Variants in CENPE observed in about 807,000 individuals in gnomAD.
The protein encoded by CENPE is centromere protein E.
Under a neutral mutation model 336.1 loss-of-function variants are expected in CENPE, and 145 were observed. The ratio of observed to expected loss-of-function variants is 0.43; its 90% CI spans 0.38 to 0.50. The LOEUF is 0.50. Among genes scored for constraint, CENPE ranks in the 20% least tolerant of loss-of-function variants. CENPE has a pLI of 0.00. For synonymous variants in CENPE, 1,013 were observed against 984.8 expected, an observed-to-expected ratio of 1.03 and a Z score of -0.54; for missense variants, 2,719 against 3,023.3, an observed-to-expected ratio of 0.90 and a Z score of 2.36.
chr4:103,138,585 T>A (rs1254496484), intron 38 of CENPE, 136 bp from the exon 39 acceptor site: 1 of 645,870 alleles, frequency 1.5e-6, no homozygotes, highest in African/African-American at 1.8e-5. Flanking sequence ...AAAAGCAATG[T>A]TAAAATGATC....
intron 46 of CENPE, among the ~76,000 whole-genome samples, chr4:103,113,295 ACAG>A (rs1258069542): frequency 3.5e-5 from 5 of 142,322 alleles, no homozygotes; most frequent in Non-Finnish European, 6.1e-5. Context: ...AAAATCCTTC[ACAG>A]CAGTTCTGTT....
intron 20 of CENPE, 29 bp from the exon 21 acceptor site, chr4:103,160,808 A>T: frequency 6.5e-7 from 1 of 1,539,264 alleles, no homozygotes. Flanking sequence ...TTGTATAAAG[A>T]TCCAATGTTG....
In CENPE at chr4:103,198,314, C is replaced by A. The variant is rs1224220184; in HGVS notation, c.6G>T (p.Ala2=). Residue 2 remains alanine (A), a synonymous_variant, in exon 1 of 49, where the codon GCG becomes GCT. Coordinates refer to ENST00000265148, the MANE Select transcript of CENPE (RefSeq NM_001813.3). ...CGCAGACGGCCACGGCTCCTTCCTC[C>A]GCCATCCTATCAGGCTGAACTGGTC... The part of the protein sequence containing the change: M[A]EEGAVAVCVR... 5.8e-6 allele frequency: 9 copies of A among 1,551,202 alleles called. No individual in the cohort carries two copies. Among genetic ancestry groups the A allele is most frequent in the Non-Finnish European group, 7.8e-6 (9 of 1,146,906 alleles).
chr4:103,138,206 A>C (rs747956232), intron 39 of CENPE, 145 bp downstream of exon 39: 1 of 636,720 alleles, frequency 1.6e-6, no homozygotes, highest in Non-Finnish European at 2.8e-6. Flanking sequence ...CATTATACCC[A>C]CACACCTGTA....
At chr4:103,106,376 C>G in intron 48 of CENPE, 60 bp from the exon 49 acceptor site, 1 of 1,321,876 alleles carries the variant, frequency 7.6e-7, no homozygotes, top group Non-Finnish European at 1.1e-6. Flanking sequence ...AAACCAAGCA[C>G]AGCTGGAAGT....
chr4:103,165,825 GA>G (rs1578644421), intron 16 of CENPE, among the ~76,000 whole-genome samples: 4 of 147,092 alleles, frequency 2.7e-5, no homozygotes, highest in African/African-American at 1.0e-4. Flanking sequence ...TCTCTATAAA[GA>G]AAAAGTTTTT....
chr4:103,137,060 A>G (rs1752128027), intron 39 of CENPE, among the ~76,000 whole-genome samples: 1 of 152,146 alleles, frequency 6.6e-6, no homozygotes, highest in African/African-American at 2.4e-5. Flanking sequence ...AAGGAGACAA[A>G]ATTATGTTTA....
At position 103,163,056 on chromosome 4, in the gene CENPE, G is replaced by T. The variant is rs1369337519; in HGVS notation, c.1842+81C>A. On this transcript the variant is annotated intron_variant, in intron 18 of 48. Coordinates refer to ENST00000265148, the MANE Select transcript of CENPE (RefSeq NM_001813.3). ...TACAACAATACACAGCACAAAGTAG[G>T]TCCAGTATAAGCATTTGCTAAGATG... 5 of 1,143,900 alleles carry T rather than the reference G, an allele frequency of 4.4e-6. No homozygotes were observed. The African/African-American group carries it at 6.2e-5, about 14-fold the overall frequency. 70.9% of individuals were successfully genotyped at this position (1,143,900 alleles called of 1,614,324 possible). A position where few individuals can be genotyped will look rare whatever the true frequency, so the allele number is the denominator to read the frequency against.
chr4:103,174,401 T>G (rs1755678411), intron 16 of CENPE, among the ~76,000 whole-genome samples: 1 of 151,918 alleles, frequency 6.6e-6, no homozygotes, highest in South Asian at 2.1e-4. Flanking sequence ...GACAGTTAGA[T>G]AGCAGGAATA....
At chr4:103,156,777 A>G (rs1457678433) in intron 24 of CENPE, among the ~76,000 whole-genome samples, 3 of 152,276 alleles carry the variant, frequency 2.0e-5, no homozygotes, top group Middle Eastern at 3.4e-3. Flanking sequence ...GATACAATCA[A>G]CAGAGTAAAA....
intron 33 of CENPE, among the ~76,000 whole-genome samples, chr4:103,144,093 C>T (rs374779837): frequency 1.3e-5 from 2 of 152,172 alleles, no homozygotes; most frequent in East Asian, 1.9e-4. Flanking sequence ...CCCACCACCA[C>T]GCCTGCCTAA....
chr4:103,150,734 C>A lies in CENPE; in HGVS notation c.3396+485G>T, dbSNP rs1753473001. On this transcript the variant is annotated intron_variant, in intron 26 of 48. Coordinates refer to ENST00000265148, the MANE Select transcript of CENPE (RefSeq NM_001813.3). ...TTTTAGAATCTCTTGGGAACTACAG[C>A]TGTTACAGGGGTCTTAGCTCTTACA... Among the ~76,000 whole-genome samples, 5 of 152,200 alleles carry A rather than the reference C, an allele frequency of 3.3e-5. No individual in the cohort carries two copies. The South Asian group carries it at 1.0e-3, about 31-fold the overall frequency.
chr4:103,163,702 A>G (rs925064549), intron 16 of CENPE, 149 bp from the exon 17 acceptor site: 7 of 455,762 alleles, frequency 1.5e-5, no homozygotes, highest in Non-Finnish European at 2.8e-5. Context: ...TCAATTGTTC[A>G]AGCTATCGCA....
chr4:103,177,953 G>A (rs6813563), intron 13 of CENPE, among the ~76,000 whole-genome samples: 67,780 of 151,266 alleles, frequency 0.45, 15,986 homozygotes, highest in African/African-American at 0.61. Flanking sequence ...TGCCGTTGCT[G>A]TCCTTCCAAA....
chr4:103,145,721 A>C, intron 30 of CENPE, 40 bp from the exon 31 acceptor site: 1 of 1,525,620 alleles, frequency 6.6e-7, no homozygotes, highest in South Asian at 1.3e-5. Flanking sequence ...TTATAGAAAC[A>C]TTATAACTAT....
chr4:103,189,084 C>G (rs1444451587), intron 8 of CENPE, among the ~76,000 whole-genome samples: 2 of 152,146 alleles, frequency 1.3e-5, no homozygotes, highest in Non-Finnish European at 2.9e-5. Context: ...CCTCCCAAGA[C>G]TAAATCAGGA....
At chr4:103,148,736 C>G (rs1753278471) in intron 28 of CENPE, 108 bp downstream of exon 28, 1 of 992,298 alleles carries the variant, frequency 1.0e-6, no homozygotes, top group Non-Finnish European at 1.5e-6. Context: ...CAAATACTTA[C>G]CCAGTCAATT....
chr4:103,193,180 T>C (rs181442498), intron 8 of CENPE, among the ~76,000 whole-genome samples: 1 of 152,152 alleles, frequency 6.6e-6, no homozygotes, highest in Non-Finnish European at 1.5e-5. Context: ...AATCATCAAG[T>C]AGATCACTGA....
chr4:103,110,271 T>A (rs1749274938), intron 47 of CENPE, among the ~76,000 whole-genome samples: 1 of 152,188 alleles, frequency 6.6e-6, no homozygotes, highest in Non-Finnish European at 1.5e-5. Context: ...AACACCTAGA[T>A]AACGTTGGAT....
Sources: gnomAD v4.1 joint callset for allele counts (sites outside exome capture counted in the v4.1 genomes callset) on GRCh38, gnomAD v4.1.1 for gene constraint, MANE v1.5 for transcripts, NCBI Gene and HGNC (gene_info 2026-07-23, HGNC 2026-07-21) for gene names.